ARID1A: variants seen among roughly 807,000 people sequenced by gnomAD.
ARID1A encodes the protein AT-rich interaction domain 1A.
In ARID1A, 20 loss-of-function variants were observed where a neutral mutation model predicts 212.6. The observed-to-expected ratio is 0.09, with a 90% CI of 0.07 to 0.14. ARID1A has a LOEUF of 0.14. Ranked by LOEUF, ARID1A falls within the 10% of genes least tolerant of loss-of-function variation. The pLI, the probability that ARID1A is intolerant of heterozygous loss-of-function variation, is 1.00. For missense variants in ARID1A, 2,587 were observed against 3,059.0 expected (o/e 0.85, Z 3.64); for synonymous variants, 1,376 against 1,222.1 (o/e 1.13, Z -2.63).
Position 26,697,444 on chromosome 1 carries a change from G to T in ARID1A, c.1041G>T (p.Ala347=), listed in dbSNP as rs2124744982. The change falls in exon 1 of 20, where the codon GCG becomes GCT. Residue 347 remains alanine (A), a synonymous_variant. Coordinates refer to ENST00000324856, the MANE Select transcript of ARID1A (RefSeq NM_006015.6). ...WGAAAAAAAA[A]AASGGAQQRS... is the part of the protein sequence containing the mutation. ...CTGCGGCGGCGGCAGCTGCGGCGGC[G>T]GCCGCCTCGGGAGGGGCCCAACAAA... 1 of 1,357,128 alleles carries T rather than the reference G, an allele frequency of 7.4e-7. No individual in the cohort carries two copies. Among genetic ancestry groups the T allele is most frequent in the Non-Finnish European group, 9.4e-7 (1 of 1,065,908 alleles). The allele number at this position is 1,357,128 out of a possible 1,614,324, so 84.1% of individuals were successfully genotyped here. A position where few individuals can be genotyped will look rare whatever the true frequency, so the allele number is the denominator to read the frequency against.
chr1:26,722,182 C>G (rs553795950), intron 1 of ARID1A, among the ~76,000 whole-genome samples: 1 of 152,284 alleles, frequency 6.6e-6, no homozygotes, highest in African/African-American at 2.4e-5. Context: ...TGTGTCTGAT[C>G]TTCTAGAATG....
rs572285337 is a variant in ARID1A, at chr1:26,766,778, A to G, written c.2988+212A>G. ...CTGGGTTGGTCTAAGGGATCCTGGTAAATAACATAATATTCTCACAGCTGT... is the reference window on the plus strand; with the variant it reads ...CTGGGTTGGTCTAAGGGATCCTGGTGAATAACATAATATTCTCACAGCTGT... On this transcript the variant is annotated intron_variant, in intron 10 of 19. Coordinates refer to ENST00000324856, the MANE Select transcript of ARID1A (RefSeq NM_006015.6). Among the ~76,000 whole-genome samples, 97 of 152,304 alleles carry G rather than the reference A, an allele frequency of 6.4e-4. 1 individual carries two copies. The highest frequency in any genetic ancestry group is 1.2e-3 in the Admixed American group (19 of 15,294).
chr1:26,772,399 G>T, intron 12 of ARID1A, 101 bp from the exon 13 acceptor site: 3 of 1,555,162 alleles, frequency 1.9e-6, no homozygotes, highest in Non-Finnish European at 2.6e-6. Flanking sequence ...AAGGCCTTAG[G>T]AAGAACTTTC....
At chr1:26,736,274 C>A (rs928262163) in intron 4 of ARID1A, among the ~76,000 whole-genome samples, 1 of 142,000 alleles carries the variant, frequency 7.0e-6, no homozygotes, top group South Asian at 2.2e-4. Flanking sequence ...TGCATTGAGC[C>A]GAGATCACAC....
intron 3 of ARID1A, 29 bp downstream of exon 3, chr1:26,731,633 C>G (rs910515155): frequency 1.2e-6 from 2 of 1,603,006 alleles, no homozygotes; most frequent in Non-Finnish European, 1.7e-6. Flanking sequence ...CTGCCCTTCC[C>G]TGTGTGTGAC....
chr1:26,719,774 C>G (rs1440315842), intron 1 of ARID1A, among the ~76,000 whole-genome samples: 1 of 151,030 alleles, frequency 6.6e-6, no homozygotes, highest in Non-Finnish European at 1.5e-5. Flanking sequence ...AAACCCGTCT[C>G]TACTAAAAAT....
rs2080998393 is a variant in ARID1A at position 26,762,174 on chromosome 1, G to T, written c.2274G>T (p.Gln758His). 6.2e-7 allele frequency: 1 copy of T among 1,613,328 alleles called. No individual in the cohort carries two copies. The highest frequency in any genetic ancestry group is 8.5e-7 in the Non-Finnish European group (1 of 1,179,614). ...QDRGYMQRNPQMPQYSSPQPG... is the reference protein window; with the variant it reads ...QDRGYMQRNPHMPQYSSPQPG... The stretch of plus-strand genomic sequence containing the variant: ...TAGGTTATATGCAGAGGAACCCCCA[G>T]ATGCCCCAGTACAGTTCCCCCCAGC... Residue 758 changes from glutamine (Q) to histidine (H), a missense_variant, in exon 7 of 20, where the codon CAG (glutamine) becomes CAT (histidine). Gln to His is a conservative substitution (Grantham distance 24). Around this residue, in one of 11 missense-constraint regions of ARID1A, gnomAD observed 674 missense variants for 813.4 expected, o/e 0.83. Transcript: ENST00000324856.
chr1:26,721,682 T>C (rs2080566426), intron 1 of ARID1A, among the ~76,000 whole-genome samples: 1 of 152,212 alleles, frequency 6.6e-6, no homozygotes, highest in Non-Finnish European at 1.5e-5. Context: ...CCACCTGTTA[T>C]GGAAAATGTG....
chr1:26,762,899 G>T, intron 7 of ARID1A, 74 bp from the exon 8 acceptor site: 23 of 1,339,906 alleles, frequency 1.7e-5, no homozygotes, highest in Non-Finnish European at 2.2e-5. Context: ...ACATTGTTTG[G>T]TGTTCTAGAG....
At chr1:26,748,242 A>G (rs2080854927) in intron 4 of ARID1A, among the ~76,000 whole-genome samples, 2 of 152,170 alleles carry the variant, frequency 1.3e-5, no homozygotes, top group Admixed American at 1.3e-4. Context: ...CTGAGGGGCA[A>G]CCAGGCTTGC....
chr1:26,709,197 T>C (rs149983992), intron 1 of ARID1A, among the ~76,000 whole-genome samples: 6 of 152,318 alleles, frequency 3.9e-5, no homozygotes, highest in African/African-American at 1.2e-4. Context: ...ATGGTAAATA[T>C]TAGATATGTG....
chr1:26,696,463 G>T lies in ARID1A; in HGVS notation c.60G>T (p.Pro20=), dbSNP rs2124739963. ...GCCTGGGCAACCCGCCGCCGCCGCC[G>T]CCCTCGGAGCTGAAGAAAGCCGAGC... ...ASSLGNPPPP[P]PSELKKAEQQ... Residue 20 remains proline (P), a synonymous_variant, in exon 1 of 20, where the codon CCG becomes CCT. Coordinates refer to ENST00000324856, the MANE Select transcript of ARID1A (RefSeq NM_006015.6). 7.8e-7 allele frequency: 1 copy of T among 1,284,822 alleles called. No homozygotes were observed. The allele number at this position is 1,284,822 out of a possible 1,614,324, so 79.6% of individuals were successfully genotyped here. A position where few individuals can be genotyped will look rare whatever the true frequency, so the allele number is the denominator to read the frequency against.
intron 4 of ARID1A, among the ~76,000 whole-genome samples, chr1:26,755,976 C>G (rs1159020942): frequency 1.3e-5 from 2 of 152,070 alleles, no homozygotes; most frequent in Admixed American, 6.5e-5. Context: ...ATCTCCTGAC[C>G]TCGTGATCCT....
intron 4 of ARID1A, among the ~76,000 whole-genome samples, chr1:26,756,597 A>C (rs1415941930): frequency 6.6e-6 from 1 of 151,922 alleles, no homozygotes; most frequent in African/African-American, 2.4e-5. Flanking sequence ...CACACACAAA[A>C]AAAAACCCAC....
At chr1:26,736,785 C>T (rs2080735716) in intron 4 of ARID1A, among the ~76,000 whole-genome samples, 1 of 151,582 alleles carries the variant, frequency 6.6e-6, no homozygotes, top group African/African-American at 2.4e-5. Context: ...ACCTGTAATC[C>T]CATCTACTCG....
At position 26,696,709 on chromosome 1, in the gene ARID1A, C is replaced by G. The variant is rs1248152030; in HGVS notation, c.306C>G (p.Asn102Lys). ...CCGGCGCGGAGCCGGACCTGAAGAA[C>G]TCGAACGGGAACGCGGGCCCTAGGC... is the stretch of plus-strand genomic sequence containing the variant. ...GGPGAEPDLK[N>K]SNGNAGPRPA... Residue 102 changes from asparagine (N) to lysine (K), a missense_variant, in exon 1 of 20, where the codon AAC (asparagine) becomes AAG (lysine). Around this residue, in one of 11 missense-constraint regions of ARID1A, gnomAD observed 735 missense variants for 590.6 expected, o/e 1.24. Coordinates refer to ENST00000324856, the MANE Select transcript of ARID1A (RefSeq NM_006015.6). 2.2e-6 allele frequency: 3 copies of G among 1,368,242 alleles called. No homozygotes were observed. Among genetic ancestry groups the G allele is most frequent in the South Asian group, 3.4e-5 (2 of 57,998 alleles). 84.8% of individuals were successfully genotyped at this position (1,368,242 alleles called of 1,614,324 possible). A position where few individuals can be genotyped will look rare whatever the true frequency, so the allele number is the denominator to read the frequency against.
At chr1:26,714,297 T>C (rs1364220507) in intron 1 of ARID1A, among the ~76,000 whole-genome samples, 1 of 142,432 alleles carries the variant, frequency 7.0e-6, no homozygotes, top group African/African-American at 2.6e-5. Flanking sequence ...CAGCATACTT[T>C]TGGAACTTTG....
At chr1:26,773,998 A>G in intron 17 of ARID1A, 100 bp downstream of exon 17, 4 of 1,443,044 alleles carry the variant, frequency 2.8e-6, no homozygotes, top group Middle Eastern at 2.3e-4. Flanking sequence ...CTCACTTTAG[A>G]TATTTTGGCA....
intron 1 of ARID1A, among the ~76,000 whole-genome samples, chr1:26,701,941 C>G (rs59947323): frequency 0.012 from 1,894 of 152,252 alleles, 39 homozygotes; most frequent in African/African-American, 0.044. Context: ...TTCATTAAAG[C>G]AAGACTTGAA....
Sources: allele counts gnomAD v4.1 joint callset (sites outside exome capture counted in the v4.1 genomes callset), GRCh38; gene constraint gnomAD v4.1.1; regional missense constraint gnomAD v4.1.1; transcripts MANE v1.5; gene names NCBI Gene and HGNC (gene_info 2026-07-23, HGNC 2026-07-21).